The following NR3C1 variants were observed in gnomAD, a reference collection of about 807,000 sequenced individuals.
NR3C1 encodes nuclear receptor subfamily 3 group C member 1.
NR3C1 carries 14 observed loss-of-function variants against 74.0 expected under a neutral mutation model. The ratio of observed to expected loss-of-function variants is 0.19; its 90% CI spans 0.12 to 0.30. NR3C1 has a LOEUF of 0.30. Among genes scored for constraint, NR3C1 ranks in the 10% least tolerant of loss-of-function variants. The pLI is 1.00. For synonymous variants in NR3C1, 308 were observed against 332.5 expected, an observed-to-expected ratio of 0.93 and a Z score of 0.80; for missense variants, 695 against 909.8, an observed-to-expected ratio of 0.76 and a Z score of 3.04.
chr5:143,362,825 C>T (rs1190142005), intron 2 of NR3C1, among the ~76,000 whole-genome samples: 2 of 152,166 alleles, frequency 1.3e-5, no homozygotes, highest in East Asian at 3.8e-4. Context: ...TCTTAATTTG[C>T]TGCTGCCTGA....
At chr5:143,295,250 T>C (rs1309458986) in intron 7 of NR3C1, 1 of 985,278 alleles carries the variant, frequency 1.0e-6, no homozygotes, top group Non-Finnish European at 1.2e-6. Context: ...CTCATATACC[T>C]CTCTGTTTCT....
chr5:143,371,586 C>T (rs1005240138), intron 2 of NR3C1, among the ~76,000 whole-genome samples: 2 of 152,166 alleles, frequency 1.3e-5, no homozygotes, highest in African/African-American at 2.4e-5. Flanking sequence ...GCAAAAAAAC[C>T]GTGGGCTTGG....
Position 143,403,514 on chromosome 5 carries a change from T to C in NR3C1, c.-317A>G. ...CGGCCGCTCCGGCTGCGGCGTCTCC[T>C]TCCACCCACAGAATCCGTCCCCGAC... On this transcript the variant is annotated 5_prime_UTR_variant, in exon 1 of 9. Transcript: ENST00000394464. The C allele has an allele frequency of 1.0e-6, 1 of 985,116 alleles. No individual in the cohort carries two copies. The highest frequency in any genetic ancestry group is 1.2e-6 in the Non-Finnish European group (1 of 829,964). The allele number at this position is 985,116 out of a possible 1,614,324, so 61.0% of individuals were successfully genotyped here.
intron 2 of NR3C1, among the ~76,000 whole-genome samples, chr5:143,394,004 C>T (rs1384522415): frequency 2.0e-5 from 3 of 151,878 alleles, no homozygotes; most frequent in Non-Finnish European, 4.4e-5. Context: ...TAAACATTTA[C>T]AACTAATCAT....
chr5:143,336,199 G>A (rs867105502), intron 2 of NR3C1, among the ~76,000 whole-genome samples: 1 of 152,120 alleles, frequency 6.6e-6, no homozygotes, highest in African/African-American at 2.4e-5. Context: ...CAGAGCCCTG[G>A]CTGTTGTTCA....
At chr5:143,339,111 A>G (rs181787843) in intron 2 of NR3C1, among the ~76,000 whole-genome samples, 6 of 152,244 alleles carry the variant, frequency 3.9e-5, no homozygotes, top group Non-Finnish European at 7.4e-5. Context: ...GTGTAAGTTC[A>G]CTCTATGATG....
At chr5:143,312,221 G>A (rs1478934055) in intron 3 of NR3C1, among the ~76,000 whole-genome samples, 1 of 152,140 alleles carries the variant, frequency 6.6e-6, no homozygotes. Context: ...CTGCCTCCTT[G>A]AATGCATGGT....
intron 7 of NR3C1, chr5:143,293,725 G>GT: frequency 3.0e-6 from 1 of 337,574 alleles, no homozygotes; most frequent in Non-Finnish European, 4.2e-6. Flanking sequence ...GTCTATCATA[G>GT]TAGAAGTCTA....
chr5:143,387,240 T>C (rs1264343467), intron 2 of NR3C1, among the ~76,000 whole-genome samples: 1 of 152,194 alleles, frequency 6.6e-6, no homozygotes, highest in African/African-American at 2.4e-5. Flanking sequence ...AGTATGTTTC[T>C]TATTATCTGC....
At chr5:143,306,445 G>A (rs751734651) in intron 4 of NR3C1, among the ~76,000 whole-genome samples, 2 of 152,152 alleles carry the variant, frequency 1.3e-5, no homozygotes, top group Non-Finnish European at 2.9e-5. Flanking sequence ...TACATACCAG[G>A]CCAAATAAAG....
intron 1 of NR3C1, among the ~76,000 whole-genome samples, chr5:143,401,928 T>C (rs575562157): frequency 2.0e-5 from 3 of 152,370 alleles, no homozygotes; most frequent in East Asian, 3.9e-4. Flanking sequence ...AGACTGTTAG[T>C]ATATCGTTAA....
chr5:143,346,478 TTC>T (rs1829312240), intron 2 of NR3C1, among the ~76,000 whole-genome samples: 1 of 152,234 alleles, frequency 6.6e-6, no homozygotes, highest in African/African-American at 2.4e-5. Flanking sequence ...TTATGATTTT[TTC>T]ATTTTTCATT....
intron 1 of NR3C1, among the ~76,000 whole-genome samples, chr5:143,424,412 G>A (rs1385675618): frequency 6.6e-6 from 1 of 151,920 alleles, no homozygotes; most frequent in Non-Finnish European, 1.5e-5. Context: ...TTGAGGTGAC[G>A]GATATCCCAG....
At chr5:143,372,316 A>G (rs796378061) in intron 2 of NR3C1, among the ~76,000 whole-genome samples, 6 of 152,270 alleles carry the variant, frequency 3.9e-5, no homozygotes, top group African/African-American at 1.2e-4. Flanking sequence ...TGGGGCCACT[A>G]TGAAGTAAAA....
At chr5:143,386,462 G>A (rs1163438758) in intron 2 of NR3C1, among the ~76,000 whole-genome samples, 8 of 152,188 alleles carry the variant, frequency 5.3e-5, no homozygotes, top group Non-Finnish European at 1.5e-5. Flanking sequence ...AGGATGTTCA[G>A]GGTGTACTTG....
chr5:143,308,136 G>C (rs1185622472), intron 4 of NR3C1, among the ~76,000 whole-genome samples: 1 of 152,124 alleles, frequency 6.6e-6, no homozygotes, highest in East Asian at 1.9e-4. Context: ...GTGTGTGCTA[G>C]ATAGCACCAA....
chr5:143,435,271 C>T lies in NR3C1; in HGVS notation c.-753G>A, dbSNP rs528693258. On this transcript the variant is annotated 5_prime_UTR_variant, in exon 1 of 9. Transcript: ENST00000343796. ...TTCCGTTGGACACATGCGCATTTTACGGTCCTGCAGGGCTTGAAAGATTTC... is the reference window on the plus strand; with the variant it reads ...TTCCGTTGGACACATGCGCATTTTATGGTCCTGCAGGGCTTGAAAGATTTC... 7.9e-5 allele frequency: 78 copies of T among 985,418 alleles called. 1 individual carries two copies. The South Asian group carries it at 2.9e-3, about 37-fold the overall frequency. The allele number at this position is 985,418 out of a possible 1,614,324, so 61.0% of individuals were successfully genotyped here.
At chr5:143,328,258 T>G (rs1049341269) in intron 2 of NR3C1, among the ~76,000 whole-genome samples, 22 of 152,190 alleles carry the variant, frequency 1.4e-4, no homozygotes, top group Non-Finnish European at 3.2e-4. Context: ...GCATCAGGGA[T>G]GCAGGGCACC....
chr5:143,363,397 C>T lies in NR3C1; in HGVS notation c.1184+36259G>A, dbSNP rs534594972. Among the ~76,000 whole-genome samples, 51 of 151,990 alleles carry T rather than the reference C, an allele frequency of 3.4e-4. No individual in the cohort carries two copies. In the South Asian group the frequency reaches 1.0e-2, roughly 30 times the overall value. ...AACAATTACAAGGTATACAAAGAAA[C>T]GAAGTACACAGGAAAAGAAAGAAAG... On this transcript the variant is annotated intron_variant, in intron 2 of 8. Coordinates refer to ENST00000394464, the MANE Select transcript of NR3C1 (RefSeq NM_000176.3).
Sources: allele counts gnomAD v4.1 joint callset (sites outside exome capture counted in the v4.1 genomes callset), GRCh38; gene constraint gnomAD v4.1.1; transcripts MANE v1.5; gene names NCBI Gene and HGNC (gene_info 2026-07-23, HGNC 2026-07-21).